GLIS3: variants seen among roughly 807,000 people sequenced by gnomAD.
GLIS3 encodes zinc finger protein GLIS3.
A neutral mutation model predicts 78.6 loss-of-function variants in GLIS3; 53 were observed. The observed-to-expected ratio is 0.67, with a 90% confidence interval of 0.54 to 0.85. GLIS3 has a LOEUF of 0.85. Ranked by LOEUF, GLIS3 falls within the 40% of genes least tolerant of loss-of-function variation. The pLI, the probability that GLIS3 is intolerant of heterozygous loss-of-function variation, is 0.00. For synonymous variants in GLIS3, 684 were observed against 509.9 expected (o/e 1.34, Z -4.60); for missense variants, 1,703 against 1,231.1 (o/e 1.38, Z -5.74).
At chr9:4,392,156 C>T in the GLIS3 span, among the ~76,000 whole-genome samples, 3 of 151,752 alleles carry the variant, frequency 2.0e-5, no homozygotes, top group African/African-American at 7.3e-5. Context: ...AACAGAAAAC[C>T]AACCAGCACA....
At chr9:4,169,557 C>G (rs1172427096) in intron 2 of GLIS3, among the ~76,000 whole-genome samples, 2 of 152,138 alleles carry the variant, frequency 1.3e-5, no homozygotes, top group Admixed American at 1.3e-4. Flanking sequence ...GGTGAACTCT[C>G]TAAGGTCTGT....
chr9:4,275,744 C>A (rs1404608710), intron 2 of GLIS3, among the ~76,000 whole-genome samples: 5 of 151,910 alleles, frequency 3.3e-5, no homozygotes, highest in Non-Finnish European at 7.4e-5. Flanking sequence ...GCCTGGGGGA[C>A]AGAGCAAGAC....
At chr9:4,223,026 T>C (rs1463164561) in intron 2 of GLIS3, among the ~76,000 whole-genome samples, 1 of 152,138 alleles carries the variant, frequency 6.6e-6, no homozygotes, top group Non-Finnish European at 1.5e-5. Flanking sequence ...GGCTGGGATC[T>C]TTCCAAGAAA....
intron 6 of GLIS3, among the ~76,000 whole-genome samples, chr9:3,927,957 A>G (rs1825362799): frequency 6.6e-6 from 1 of 152,260 alleles, no homozygotes; most frequent in Non-Finnish European, 1.5e-5. Context: ...TTACAAAAGC[A>G]TCTCCCAGAG....
At position 3,826,249 on chromosome 9, in the gene GLIS3, G is replaced by T. The variant is rs1288029585; in HGVS notation, c.*2023C>A. The T allele has an allele frequency of 1.3e-5, 2 of 152,214 alleles. No individual in the cohort carries two copies. The highest frequency in any genetic ancestry group is 2.9e-5 in the Non-Finnish European group (2 of 68,050). 9.4% of individuals were successfully genotyped at this position (152,214 alleles called of 1,614,324 possible). On this transcript the variant is annotated 3_prime_UTR_variant, in exon 11 of 11. Coordinates refer to ENST00000381971, the MANE Select transcript of GLIS3 (RefSeq NM_001042413.2). The stretch of plus-strand genomic sequence containing the variant: ...AGGCTTCCATATTTAAGTATGAATA[G>T]ATGGTTTCTCTGAAGATAGCAGAGT...
intron 2 of GLIS3, among the ~76,000 whole-genome samples, chr9:4,271,138 C>T (rs1055664178): frequency 6.6e-6 from 1 of 151,974 alleles, no homozygotes; most frequent in South Asian, 2.1e-4. Context: ...ATATATTTTT[C>T]TTATTAATAA....
At chr9:4,005,208 G>T (rs1480539221) in intron 4 of GLIS3, among the ~76,000 whole-genome samples, 8 of 152,196 alleles carry the variant, frequency 5.3e-5, no homozygotes, top group African/African-American at 1.9e-4. Context: ...TTGGAAGGTG[G>T]AATAGGGCAG....
In GLIS3 at chr9:4,250,031, T is replaced by C. The variant is rs143758915; in HGVS notation, c.388+36007A>G. Among the ~76,000 whole-genome samples, 131 of 152,360 alleles carry C rather than the reference T, an allele frequency of 8.6e-4. 1 individual carries two copies. Among genetic ancestry groups the C allele is most frequent in the African/African-American group, 2.4e-3 (98 of 41,584 alleles). Reference sequence around the variant, plus strand: ...CTGGATTCCGTTTGCCAGTATTTTATTGAGGATCTTTGCATTGATGTTCAT... The same window carrying C: ...CTGGATTCCGTTTGCCAGTATTTTACTGAGGATCTTTGCATTGATGTTCAT... On this transcript the variant is annotated intron_variant, in intron 2 of 10. Coordinates refer to ENST00000381971, the MANE Select transcript of GLIS3 (RefSeq NM_001042413.2).
At chr9:4,419,498 A>G in the GLIS3 span, among the ~76,000 whole-genome samples, 1,415 of 152,218 alleles carry the variant, frequency 9.3e-3, 26 homozygotes, top group African/African-American at 0.032. Flanking sequence ...ACTTTAAAAC[A>G]ACCAGCTCTG....
At chr9:4,056,338 G>T (rs1024088036) in intron 4 of GLIS3, among the ~76,000 whole-genome samples, 11 of 152,208 alleles carry the variant, frequency 7.2e-5, no homozygotes, top group African/African-American at 2.4e-4. Flanking sequence ...CTCTGTGGAT[G>T]CAGCTTCAAA....
At chr9:3,829,239 G>A (rs549995664) in intron 10 of GLIS3, 71 bp downstream of exon 10, 34 of 1,360,356 alleles carry the variant, frequency 2.5e-5, no homozygotes, top group East Asian at 1.4e-4. Flanking sequence ...AGCCCAGGTC[G>A]GTCACGGGCA....
At chr9:3,873,586 T>C (rs1821104461) in intron 8 of GLIS3, among the ~76,000 whole-genome samples, 1 of 152,150 alleles carries the variant, frequency 6.6e-6, no homozygotes, top group Non-Finnish European at 1.5e-5. Context: ...ATACCTTAAC[T>C]TGATCACTAT....
intron 4 of GLIS3, among the ~76,000 whole-genome samples, chr9:4,059,776 A>G (rs1826468113): frequency 7.0e-6 from 1 of 143,070 alleles, no homozygotes; most frequent in Non-Finnish European, 1.5e-5. Context: ...TTCTCTCCTG[A>G]AAGGGCTTGT....
intron 8 of GLIS3, among the ~76,000 whole-genome samples, chr9:3,877,232 C>G (rs764419971): frequency 2.0e-5 from 3 of 151,142 alleles, no homozygotes. Context: ...AAACAGAAAA[C>G]TATATAAAAT....
At position 3,842,071 on chromosome 9, in the gene GLIS3, A is replaced by G. The variant is rs944386405; in HGVS notation, c.2474-12579T>C. Among the ~76,000 whole-genome samples the G allele has an allele frequency of 1.1e-4, 16 of 152,348 alleles. No individual in the cohort carries two copies. In the East Asian group the frequency reaches 3.1e-3, roughly 29 times the overall value. ...CTGTAAGAAAGATCCGGCAGAGAAG[A>G]TTCCAGACAGAGATTTCATGGATTA... On this transcript the variant is annotated intron_variant, in intron 9 of 10. Coordinates refer to ENST00000381971, the MANE Select transcript of GLIS3 (RefSeq NM_001042413.2).
intron 7 of GLIS3, among the ~76,000 whole-genome samples, chr9:3,891,860 C>T (rs1822478262): frequency 6.6e-6 from 1 of 152,134 alleles, no homozygotes; most frequent in Non-Finnish European, 1.5e-5. Flanking sequence ...GAAGTACATC[C>T]ACTTCTCAGA....
chr9:4,307,164 A>G (rs6476845), intron 4 of GLIS3, among the ~76,000 whole-genome samples: 140,217 of 152,238 alleles, frequency 0.92, 64,679 homozygotes, highest in African/African-American at 0.94. Context: ...CACAGTGTAG[A>G]GGCTAATGAG....
At chr9:4,077,790 G>C (rs1446810210) in intron 4 of GLIS3, among the ~76,000 whole-genome samples, 2 of 152,144 alleles carry the variant, frequency 1.3e-5, no homozygotes, top group Non-Finnish European at 2.9e-5. Flanking sequence ...AGCAGCAGTG[G>C]ATTCCAGTTT....
intron 2 of GLIS3, among the ~76,000 whole-genome samples, chr9:4,248,659 C>A (rs986418358): frequency 1.3e-5 from 2 of 152,170 alleles, no homozygotes; most frequent in Non-Finnish European, 2.9e-5. Flanking sequence ...CTTGAGGAAT[C>A]GCCACACTGT....
Sources: gnomAD v4.1 joint callset for allele counts (sites outside exome capture counted in the v4.1 genomes callset) on GRCh38, gnomAD v4.1.1 for gene constraint, MANE v1.5 for transcripts, NCBI Gene and HGNC (gene_info 2026-07-23, HGNC 2026-07-21) for gene names.